The following KMT2C variants were observed in gnomAD, a reference collection of about 807,000 sequenced individuals.
KMT2C encodes lysine methyltransferase 2C.
KMT2C carries 88 observed loss-of-function variants against 507.9 expected under a neutral mutation model. That is an observed-to-expected ratio of 0.17 (90% CI 0.15 to 0.21). The LOEUF (loss-of-function observed/expected upper bound fraction) is 0.21, where lower values mean the gene tolerates loss of function less well. Among genes scored for constraint, KMT2C ranks in the 10% least tolerant of loss-of-function variants. The pLI is 1.00. For missense variants in KMT2C, 4,954 were observed against 5,957.8 expected, an observed-to-expected ratio of 0.83 and a Z score of 5.55; for synonymous variants, 2,049 against 2,080.8, an observed-to-expected ratio of 0.98 and a Z score of 0.42.
At chr7:152,205,742 G>A (rs988492157) in intron 24 of KMT2C, among the ~76,000 whole-genome samples, 1 of 152,182 alleles carries the variant, frequency 6.6e-6, no homozygotes, top group African/African-American at 2.4e-5. Flanking sequence ...GCCTAAATGT[G>A]TAGTAAGCTA....
At chr7:152,167,694 C>T (rs1036020871) in intron 41 of KMT2C, among the ~76,000 whole-genome samples, 5 of 152,054 alleles carry the variant, frequency 3.3e-5, no homozygotes, top group African/African-American at 1.2e-4. Flanking sequence ...TTCTCTAACC[C>T]ACAAGCCAAA....
chr7:152,235,177 T>C (rs1380920175), intron 16 of KMT2C, among the ~76,000 whole-genome samples: 1 of 149,692 alleles, frequency 6.7e-6, no homozygotes, highest in Non-Finnish European at 1.5e-5. Context: ...ATATATTCAC[T>C]ATCATGATTG....
intron 6 of KMT2C, among the ~76,000 whole-genome samples, chr7:152,292,078 G>A (rs2096435526): frequency 1.3e-5 from 2 of 151,640 alleles, no homozygotes; most frequent in Non-Finnish European, 2.9e-5. Context: ...CTGTTGGCTG[G>A]GAATATTGTG....
chr7:152,145,951 G>T (rs555213468), intron 53 of KMT2C, among the ~76,000 whole-genome samples: 1 of 152,168 alleles, frequency 6.6e-6, no homozygotes, highest in Non-Finnish European at 1.5e-5. Flanking sequence ...CGATTCCAAA[G>T]AAAACAATTA....
chr7:152,176,053 A>G, intron 38 of KMT2C, 138 bp downstream of exon 38: 1 of 965,272 alleles, frequency 1.0e-6, no homozygotes, highest in Non-Finnish European at 1.5e-6. Flanking sequence ...AAAACAAAAC[A>G]AACAAACTCC....
intron 23 of KMT2C, 155 bp downstream of exon 23, chr7:152,220,368 A>T (rs2094727442): frequency 1.5e-6 from 1 of 648,562 alleles, no homozygotes; most frequent in Non-Finnish European, 2.7e-6. Context: ...AGGTCTAAGA[A>T]GATCACTCAT....
chr7:152,409,547 A>AT (rs2097659125), intron 1 of KMT2C, among the ~76,000 whole-genome samples: 1 of 145,784 alleles, frequency 6.9e-6, no homozygotes, highest in African/African-American at 2.6e-5. Context: ...GTGAAACCCC[A>AT]TGTCTGCTAA....
At chr7:152,257,526 A>G (rs947999876) in intron 9 of KMT2C, among the ~76,000 whole-genome samples, 15 of 152,194 alleles carry the variant, frequency 9.9e-5, no homozygotes, top group African/African-American at 3.1e-4. Context: ...AATAAAATCT[A>G]TTACTGAGAG....
At chr7:152,161,831 A>G (rs537165268) in intron 43 of KMT2C, among the ~76,000 whole-genome samples, 2 of 152,364 alleles carry the variant, frequency 1.3e-5, no homozygotes, top group East Asian at 1.9e-4. Flanking sequence ...TGCTTTAGTC[A>G]TATCAACTCA....
Position 152,174,244 on chromosome 7 carries a change from T to G in KMT2C, c.9263-2A>C. The G allele has an allele frequency of 1.4e-6, 2 of 1,463,724 alleles. No individual in the cohort carries two copies. Among genetic ancestry groups the G allele is most frequent in the Non-Finnish European group, 9.5e-7 (1 of 1,051,242 alleles). 90.7% of individuals were successfully genotyped at this position (1,463,724 alleles called of 1,614,324 possible). A position where few individuals can be genotyped will look rare whatever the true frequency, so the allele number is the denominator to read the frequency against. On this transcript the variant is annotated splice_acceptor_variant, in intron 38 of 58. Coordinates refer to ENST00000262189, the MANE Select transcript of KMT2C (RefSeq NM_170606.3). LOFTEE classifies it high-confidence loss of function. ...TAGGATCTGTAATTGCATCAAAATCTAGAAAAGAAATATAAAGTTACTTAT... is the reference window on the plus strand; with the variant it reads ...TAGGATCTGTAATTGCATCAAAATCGAGAAAAGAAATATAAAGTTACTTAT...
intron 6 of KMT2C, among the ~76,000 whole-genome samples, chr7:152,288,265 C>T (rs73483071): frequency 6.8e-6 from 1 of 147,046 alleles, no homozygotes; most frequent in East Asian, 2.0e-4. Context: ...CAGGTGCGGT[C>T]GCTCAGGCCT....
At chr7:152,391,402 T>A (rs2097496461) in intron 1 of KMT2C, among the ~76,000 whole-genome samples, 1 of 150,312 alleles carries the variant, frequency 6.7e-6, no homozygotes, top group African/African-American at 2.4e-5. Context: ...CCACCACGCC[T>A]AGCTAGTTTT....
intron 1 of KMT2C, among the ~76,000 whole-genome samples, chr7:152,432,128 G>T (rs976606964): frequency 6.6e-6 from 1 of 152,118 alleles, no homozygotes; most frequent in South Asian, 2.1e-4. Context: ...GTGGTTCAGG[G>T]TATAAAGAGT....
At chr7:152,385,820 G>C (rs937272840) in intron 1 of KMT2C, among the ~76,000 whole-genome samples, 2 of 151,734 alleles carry the variant, frequency 1.3e-5, no homozygotes, top group African/African-American at 4.8e-5. Flanking sequence ...AGGTGCAGTG[G>C]CTCATGCCTG....
At chr7:152,428,638 G>GA (rs111979601) in intron 1 of KMT2C, among the ~76,000 whole-genome samples, 203 of 139,270 alleles carry the variant, frequency 1.5e-3, no homozygotes, top group African/African-American at 4.2e-3. Context: ...TCTCAAAAAA[G>GA]AAAAAAAAAA....
chr7:152,217,751 T>A lies in KMT2C; in HGVS notation c.3712+2772A>T, dbSNP rs554559797. Among the ~76,000 whole-genome samples, 193 of 147,306 alleles carry A rather than the reference T, an allele frequency of 1.3e-3. 1 individual carries two copies. The highest frequency in any genetic ancestry group is 0.01 in the Middle Eastern group (3 of 294). ...AATATGAAATTGAAACATATCACCA[T>A]TTCTCAGTTTACAAGTGGTAGTCAC... is the stretch of plus-strand genomic sequence containing the variant. On this transcript the variant is annotated intron_variant, in intron 23 of 58. Coordinates refer to ENST00000262189, the MANE Select transcript of KMT2C (RefSeq NM_170606.3).
chr7:152,362,838 G>C (rs1269462951), intron 1 of KMT2C, among the ~76,000 whole-genome samples: 1 of 152,078 alleles, frequency 6.6e-6, no homozygotes, highest in Non-Finnish European at 1.5e-5. Flanking sequence ...TTTAATTTTT[G>C]CTTTTCAAAT....
intron 41 of KMT2C, among the ~76,000 whole-genome samples, chr7:152,168,127 C>A (rs2092812779): frequency 6.6e-6 from 1 of 151,882 alleles, no homozygotes; most frequent in African/African-American, 2.4e-5. Context: ...CACTTTACTT[C>A]ATTGATACCC....
chr7:152,154,152 A>G lies in KMT2C; in HGVS notation c.12140-6T>C. ...ATTCCTTCTTGATTCTGAACCTTTA[A>G]AAAGAGAGAAAAAAAAGAGGAAAAT... On this transcript the variant is annotated splice_region_variant and splice_polypyrimidine_tract_variant and intron_variant, in intron 47 of 58. Transcript: ENST00000262189. The G allele has an allele frequency of 1.2e-6, 2 of 1,612,690 alleles. No homozygotes were observed. Among genetic ancestry groups the G allele is most frequent in the Non-Finnish European group, 1.7e-6 (2 of 1,179,660 alleles).
Sources: gnomAD v4.1 joint callset for allele counts (sites outside exome capture counted in the v4.1 genomes callset) on GRCh38, gnomAD v4.1.1 for gene constraint, MANE v1.5 for transcripts, NCBI Gene and HGNC (gene_info 2026-07-23, HGNC 2026-07-21) for gene names.